Variants in PLEKHA1 observed in about 807,000 individuals in gnomAD.
The protein encoded by PLEKHA1 is pleckstrin homology domain containing A1.
A neutral mutation model predicts 52.0 loss-of-function variants in PLEKHA1; 34 were observed. That is an observed-to-expected ratio of 0.65 (90% CI 0.50 to 0.87). The LOEUF is 0.87. Ranked by LOEUF, PLEKHA1 falls within the 40% of genes least tolerant of loss-of-function variation. PLEKHA1 has a pLI of 0.00. For synonymous variants in PLEKHA1, 163 were observed against 170.7 expected, an observed-to-expected ratio of 0.95 and a Z score of 0.35; for missense variants, 497 against 504.2, an observed-to-expected ratio of 0.99 and a Z score of 0.14.
chr10:122,439,844 C>T, the PLEKHA1 span: 1 of 152,172 alleles, frequency 6.6e-6, no homozygotes, highest in Non-Finnish European at 1.5e-5. Flanking sequence ...CATTGACAAC[C>T]TCCTCATTTC....
At chr10:122,390,127 A>G (rs999169735) in intron 1 of PLEKHA1, among the ~76,000 whole-genome samples, 1 of 152,194 alleles carries the variant, frequency 6.6e-6, no homozygotes, top group Admixed American at 6.5e-5. Context: ...TCTTTCTTTA[A>G]AAGTCATGAA....
chr10:122,429,535 ATTTG>A (rs2097395649), intron 11 of PLEKHA1, 85 bp from the exon 12 acceptor site: 2 of 996,964 alleles, frequency 2.0e-6, no homozygotes, highest in Non-Finnish European at 1.5e-6. Flanking sequence ...TGTGTGTTTT[ATTTG>A]TTTTTCAGAG....
chr10:122,393,391 T>A lies in PLEKHA1; in HGVS notation c.141+50T>A. 1.3e-6 allele frequency: 2 copies of A among 1,534,482 alleles called. No individual in the cohort carries two copies. The highest frequency in any genetic ancestry group is 8.7e-7 in the Non-Finnish European group (1 of 1,143,386). On this transcript the variant is annotated intron_variant, in intron 2 of 11. Coordinates refer to ENST00000368990, the MANE Select transcript of PLEKHA1 (RefSeq NM_001001974.4). This position sits in a 1 kb window ranked among gnomAD's most constrained non-coding sequence, Gnocchi z 4.5. ...TTTTAAAAGCACAGAAAGTTGTATT[T>A]AAGTATTTAACATACTATACAGGCT...
chr10:122,406,948 GC>G (rs1335393525), intron 5 of PLEKHA1, among the ~76,000 whole-genome samples: 2 of 152,176 alleles, frequency 1.3e-5, no homozygotes, highest in African/African-American at 2.4e-5. Flanking sequence ...AGGAGAAAAT[GC>G]GCTTAGCACG....
intron 1 of PLEKHA1, among the ~76,000 whole-genome samples, chr10:122,384,425 G>A (rs916464847): frequency 6.6e-6 from 1 of 151,312 alleles, no homozygotes; most frequent in African/African-American, 2.4e-5. Flanking sequence ...TGGCTAACAC[G>A]GTGAAACCCC....
intron 1 of PLEKHA1, among the ~76,000 whole-genome samples, chr10:122,377,665 T>C (rs1346539359): frequency 6.6e-6 from 1 of 152,218 alleles, no homozygotes; most frequent in Non-Finnish European, 1.5e-5. Flanking sequence ...CTGTTATTTG[T>C]TATAGCACTA....
chr10:122,408,266 C>T (rs1340339217), intron 5 of PLEKHA1, among the ~76,000 whole-genome samples: 2 of 152,118 alleles, frequency 1.3e-5, no homozygotes, highest in African/African-American at 2.4e-5. Flanking sequence ...AGTGAATGGT[C>T]TCAGGCTTTT....
Position 122,430,134 on chromosome 10 carries a change from A to G in PLEKHA1, c.*196A>G, listed in dbSNP as rs2097403984. Reference sequence around the variant, plus strand: ...AATATAATTTCTTTAAAAAAGAAAGAAAAAGGAAAAATCCAAAATATCTCA... The same window carrying G: ...AATATAATTTCTTTAAAAAAGAAAGGAAAAGGAAAAATCCAAAATATCTCA... On this transcript the variant is annotated 3_prime_UTR_variant, in exon 12 of 12. Coordinates refer to ENST00000368990, the MANE Select transcript of PLEKHA1 (RefSeq NM_001001974.4). 1.6e-6 allele frequency: 1 copy of G among 616,066 alleles called. No individual in the cohort carries two copies. The highest frequency in any genetic ancestry group is 1.9e-5 in the African/African-American group (1 of 53,362). 38.2% of individuals were successfully genotyped at this position (616,066 alleles called of 1,614,324 possible). A position where few individuals can be genotyped will look rare whatever the true frequency, so the allele number is the denominator to read the frequency against.
chr10:122,402,462 G>A (rs1048298473), intron 4 of PLEKHA1, among the ~76,000 whole-genome samples: 5 of 152,188 alleles, frequency 3.3e-5, no homozygotes, highest in Non-Finnish European at 7.3e-5. Context: ...AGGGAGCAGA[G>A]TATCTGTAAC....
At chr10:122,428,235 G>A in intron 11 of PLEKHA1, 4 of 1,488,818 alleles carry the variant, frequency 2.7e-6, no homozygotes, top group Non-Finnish European at 3.6e-6. Flanking sequence ...CCTCTACCCA[G>A]TATAGGTTAA....
chr10:122,415,772 GA>G, intron 6 of PLEKHA1, 86 bp from the exon 7 acceptor site: 1 of 1,287,126 alleles, frequency 7.8e-7, no homozygotes, highest in Non-Finnish European at 1.1e-6. Context: ...ATCTAAGGTG[GA>G]TTTTAAGATT....
At chr10:122,415,756 T>C in intron 6 of PLEKHA1, 103 bp from the exon 7 acceptor site, 1 of 983,606 alleles carries the variant, frequency 1.0e-6, no homozygotes, top group Non-Finnish European at 1.4e-6. Flanking sequence ...AATCTGTTTC[T>C]GACTAATCTA....
At chr10:122,375,029 G>A (rs1205412316) in intron 1 of PLEKHA1, 3 of 152,044 alleles carry the variant, frequency 2.0e-5, no homozygotes, top group African/African-American at 7.2e-5. Flanking sequence ...GGAGGCCGCC[G>A]GGCCGGCTCA....
chr10:122,391,372 C>T (rs1351755960), intron 1 of PLEKHA1, among the ~76,000 whole-genome samples: 1 of 152,058 alleles, frequency 6.6e-6, no homozygotes, highest in East Asian at 1.9e-4. Context: ...AAGATTTACC[C>T]TATATTTTCT....
intron 1 of PLEKHA1, among the ~76,000 whole-genome samples, chr10:122,391,057 G>C (rs2096768863): frequency 6.6e-6 from 1 of 151,916 alleles, no homozygotes; most frequent in Non-Finnish European, 1.5e-5. Flanking sequence ...ATGATATTGA[G>C]TATCAAAGTT....
intron 4 of PLEKHA1, among the ~76,000 whole-genome samples, chr10:122,403,499 C>G (rs1338644711): frequency 1.3e-5 from 2 of 151,898 alleles, no homozygotes; most frequent in African/African-American, 2.4e-5. Flanking sequence ...GTTAAATACT[C>G]AAGTGGAAAA....
rs771438234 is a variant in PLEKHA1, at chr10:122,381,846, G to T, written c.-21+7040G>T. 3.7e-4 allele frequency among the ~76,000 whole-genome samples: 56 copies of T among 152,300 alleles called. 1 individual carries two copies. Among genetic ancestry groups the T allele is most frequent in the Non-Finnish European group, 1.3e-4 (9 of 68,028 alleles). On this transcript the variant is annotated intron_variant, in intron 1 of 11. Coordinates refer to ENST00000368990, the MANE Select transcript of PLEKHA1 (RefSeq NM_001001974.4). ...CTGGAGCTCAGTTTGTTAAGTTTGA[G>T]ATAGCTTGTTAGATAAGTGGAACCG... is the stretch of plus-strand genomic sequence containing the variant.
At chr10:122,381,304 C>G (rs1358883453) in intron 1 of PLEKHA1, among the ~76,000 whole-genome samples, 3 of 152,094 alleles carry the variant, frequency 2.0e-5, no homozygotes, top group African/African-American at 7.2e-5. Flanking sequence ...ACAGGATTTG[C>G]TGATGGATTG....
chr10:122,419,218 C>T (rs931558146), intron 8 of PLEKHA1: 4 of 152,162 alleles, frequency 2.6e-5, no homozygotes, highest in African/African-American at 4.8e-5. Context: ...GTTTTGCAAT[C>T]ACGTGCATTC....
Sources: allele counts gnomAD v4.1 joint callset (sites outside exome capture counted in the v4.1 genomes callset), GRCh38; gene constraint gnomAD v4.1.1; non-coding constraint Gnocchi (gnomAD v3.1); transcripts MANE v1.5; gene names NCBI Gene and HGNC (gene_info 2026-07-23, HGNC 2026-07-21).